The following XXYLT1 variants were observed in gnomAD, a reference collection of about 807,000 sequenced individuals.
XXYLT1 encodes xyloside xylosyltransferase 1.
XXYLT1 carries 20 observed loss-of-function variants against 28.9 expected under a neutral mutation model. The ratio of observed to expected loss-of-function variants is 0.69; its 90% CI spans 0.49 to 1.00. The LOEUF is 1.00. Ranked by LOEUF, XXYLT1 falls within the 50% of genes least tolerant of loss-of-function variation. The probability of loss-of-function intolerance (pLI) is 0.00; values close to 1 mark genes in which losing one functional copy is unlikely to be tolerated. For synonymous variants in XXYLT1, 257 were observed against 253.8 expected (o/e 1.01, Z -0.12); for missense variants, 542 against 560.1 (o/e 0.97, Z 0.33).
intron 3 of XXYLT1, chr3:195,087,189 G>A (rs980620868): frequency 1.3e-5 from 2 of 152,442 alleles, no homozygotes; most frequent in Non-Finnish European, 2.9e-5. Flanking sequence ...TGCTCCTCTG[G>A]ACACAGCCGG....
Position 195,070,228 on chromosome 3 carries a change from AATCCGC to A in XXYLT1, c.786-123_786-118del. The A allele has an allele frequency of 2.3e-6, 3 of 1,320,974 alleles. No homozygotes were observed. In the East Asian group the frequency reaches 7.4e-5, roughly 33 times the overall value. The allele number at this position is 1,320,974 out of a possible 1,614,324, so 81.8% of individuals were successfully genotyped here. A position where few individuals can be genotyped will look rare whatever the true frequency, so the allele number is the denominator to read the frequency against. On this transcript the variant is annotated intron_variant, in intron 3 of 3. Transcript: ENST00000310380. ...AACACTGCCACATTCCGGGGTGCAG[AATCCGC>A]ATCACTACACCAGCAAGTGGCAGAG...
intron 2 of XXYLT1, among the ~76,000 whole-genome samples, chr3:195,189,632 C>T (rs1253520526): frequency 1.3e-5 from 2 of 151,990 alleles, no homozygotes; most frequent in South Asian, 4.2e-4. Flanking sequence ...TGAACTTGTA[C>T]ATAGATTAAA....
At chr3:195,214,694 C>T (rs1433940193) in intron 2 of XXYLT1, 2 of 152,090 alleles carry the variant, frequency 1.3e-5, no homozygotes, top group Non-Finnish European at 2.9e-5. Flanking sequence ...TCCACTGTAC[C>T]CCAGGTTCCA....
At chr3:195,228,556 A>C (rs1213350051) in intron 1 of XXYLT1, among the ~76,000 whole-genome samples, 1 of 145,696 alleles carries the variant, frequency 6.9e-6, no homozygotes, top group Non-Finnish European at 1.5e-5. Flanking sequence ...CAGGGGTGCA[A>C]TCTGGGCTCA....
At chr3:195,252,692 C>CCACACACACACACACACA (rs774827660) in intron 1 of XXYLT1, among the ~76,000 whole-genome samples, 1 of 84,208 alleles carries the variant, frequency 1.2e-5, no homozygotes, top group African/African-American at 4.5e-5. Context: ...AGAAAAAAAA[C>CCACACACACACACACACA]CACACACACA....
chr3:195,259,558 A>G, intron 1 of XXYLT1: 1 of 985,340 alleles, frequency 1.0e-6, no homozygotes, highest in Non-Finnish European at 1.2e-6. Flanking sequence ...CCTCCCAGGG[A>G]GAGGCCTCCC....
rs192198213 is a variant in XXYLT1 at position 195,096,987 on chromosome 3, C to A, written c.786-26876G>T. ...AACAGGGGTGAAAATGGTCAGGCTG[C>A]GCTGAGCGCTGGGCAAAGGCAGGCT... is the stretch of plus-strand genomic sequence containing the variant. On this transcript the variant is annotated intron_variant, in intron 3 of 3. Transcript: ENST00000310380. 1.5e-3 allele frequency among the ~76,000 whole-genome samples: 226 copies of A among 152,336 alleles called. 3 individuals carry two copies. The highest frequency in any genetic ancestry group is 5.2e-3 in the African/African-American group (215 of 41,576).
intron 3 of XXYLT1, among the ~76,000 whole-genome samples, chr3:195,108,053 G>A (rs1296182816): frequency 6.6e-6 from 1 of 152,194 alleles, no homozygotes; most frequent in Non-Finnish European, 1.5e-5. Flanking sequence ...CCCTCTAGCT[G>A]TATGCATCTC....
chr3:195,171,489 G>T (rs1407205105), intron 2 of XXYLT1, among the ~76,000 whole-genome samples: 1 of 152,144 alleles, frequency 6.6e-6, no homozygotes, highest in South Asian at 2.1e-4. Flanking sequence ...TTTCCTACAC[G>T]CCTGCATGAA....
intron 3 of XXYLT1, chr3:195,093,792 A>G (rs1201754821): frequency 6.6e-6 from 1 of 151,990 alleles, no homozygotes; most frequent in Non-Finnish European, 1.5e-5. Flanking sequence ...TTCTGCTGCC[A>G]CTCCTGGAGC....
chr3:195,163,044 C>T (rs770371666), intron 2 of XXYLT1, among the ~76,000 whole-genome samples: 4 of 152,102 alleles, frequency 2.6e-5, no homozygotes, highest in Non-Finnish European at 5.9e-5. Context: ...GAGGCAGGAA[C>T]ACATCTGGAC....
intron 2 of XXYLT1, among the ~76,000 whole-genome samples, chr3:195,177,342 G>C (rs1721719791): frequency 6.6e-6 from 1 of 152,176 alleles, no homozygotes; most frequent in South Asian, 2.1e-4. Context: ...TCAATTTCAA[G>C]ATGACCTCAA....
intron 1 of XXYLT1, among the ~76,000 whole-genome samples, chr3:195,235,816 G>A (rs1474155138): frequency 1.3e-5 from 2 of 151,750 alleles, no homozygotes; most frequent in African/African-American, 4.8e-5. Flanking sequence ...GATCACATCT[G>A]GAAGAATTCT....
chr3:195,097,282 C>T (rs774901143), intron 3 of XXYLT1, among the ~76,000 whole-genome samples: 2 of 152,166 alleles, frequency 1.3e-5, no homozygotes, highest in Non-Finnish European at 2.9e-5. Flanking sequence ...CTGTAGCTGA[C>T]ATTTACTAAA....
At chr3:195,135,828 G>T (rs1171296904) in intron 3 of XXYLT1, among the ~76,000 whole-genome samples, 1 of 152,166 alleles carries the variant, frequency 6.6e-6, no homozygotes, top group Non-Finnish European at 1.5e-5. Flanking sequence ...ATGGCAGGAC[G>T]GCAGTCAGGT....
At chr3:195,144,708 T>C (rs905358875) in intron 3 of XXYLT1, among the ~76,000 whole-genome samples, 6 of 152,162 alleles carry the variant, frequency 3.9e-5, no homozygotes, top group African/African-American at 1.2e-4. Context: ...CAGTTTCCCC[T>C]GCACCAAAAG....
chr3:195,249,400 C>G (rs925053984), intron 1 of XXYLT1, among the ~76,000 whole-genome samples: 1 of 152,186 alleles, frequency 6.6e-6, no homozygotes, highest in African/African-American at 2.4e-5. Flanking sequence ...ACAATGGCCA[C>G]GCGGCTCACA....
At chr3:195,264,588 A>G (rs909717134) in intron 1 of XXYLT1, among the ~76,000 whole-genome samples, 2 of 152,206 alleles carry the variant, frequency 1.3e-5, no homozygotes, top group Non-Finnish European at 1.5e-5. Flanking sequence ...GACTCACTCC[A>G]TATTTATTTG....
Position 195,072,662 on chromosome 3 carries a change from G to C in XXYLT1, c.786-2551C>G, listed in dbSNP as rs544179005. Among the ~76,000 whole-genome samples, 77 of 152,264 alleles carry C rather than the reference G, an allele frequency of 5.1e-4. 1 individual carries two copies. Among genetic ancestry groups the C allele is most frequent in the African/African-American group, 1.6e-3 (68 of 41,550 alleles). On this transcript the variant is annotated intron_variant, in intron 3 of 3. Coordinates refer to ENST00000310380, the MANE Select transcript of XXYLT1 (RefSeq NM_152531.5). Reference sequence around the variant, plus strand: ...AGAAGGAAAGGAGGGACAGGAAATTGGGCGTGCAAGCTGCCCCGTGTGTGT... The same window carrying C: ...AGAAGGAAAGGAGGGACAGGAAATTCGGCGTGCAAGCTGCCCCGTGTGTGT...
Sources: allele counts gnomAD v4.1 joint callset (sites outside exome capture counted in the v4.1 genomes callset), GRCh38; gene constraint gnomAD v4.1.1; transcripts MANE v1.5; gene names NCBI Gene and HGNC (gene_info 2026-07-23, HGNC 2026-07-21).